CHMP1A: variants seen among roughly 807,000 people sequenced by gnomAD.
CHMP1A encodes charged multivesicular body protein 1A.
In CHMP1A, 17 loss-of-function variants were observed where a neutral mutation model predicts 27.0. The ratio of observed to expected loss-of-function variants is 0.63; its 90% CI spans 0.43 to 0.95. The LOEUF (loss-of-function observed/expected upper bound fraction) is 0.95, where lower values mean the gene tolerates loss of function less well. Ranked by LOEUF, CHMP1A falls within the 40% of genes least tolerant of loss-of-function variation. CHMP1A has a pLI of 0.00. For synonymous variants in CHMP1A, 131 were observed against 107.5 expected (o/e 1.22, Z -1.35); for missense variants, 275 against 264.0 (o/e 1.04, Z -0.29).
At position 89,648,471 on chromosome 16, in the gene CHMP1A, T is replaced by C. The variant is rs79714690; in HGVS notation, c.252+880A>G. On this transcript the variant is annotated intron_variant, in intron 4 of 6. Coordinates refer to ENST00000397901, the MANE Select transcript of CHMP1A (RefSeq NM_002768.5). ...GGTCTCCAGGACTGCTGTGCCCTCC[T>C]GGCCCACCTGCACTGTGTGAAGGAA... 4.2e-3 allele frequency among the ~76,000 whole-genome samples: 625 copies of C among 150,492 alleles called. 128 individuals carry two copies. Among genetic ancestry groups the C allele is most frequent in the African/African-American group, 0.015 (594 of 39,996 alleles).
intron 1 of CHMP1A, among the ~76,000 whole-genome samples, chr16:89,654,651 T>C (rs931594755): frequency 2.0e-5 from 3 of 151,448 alleles, no homozygotes; most frequent in African/African-American, 4.9e-5. Context: ...TAGAAAAATA[T>C]ATATTTTTTT....
Position 89,645,769 on chromosome 16 carries a change from C to T in CHMP1A, c.*297G>A, listed in dbSNP as rs2059768497. ...TCTGCTGCCCCAGAGTCTGAAGGCCCCCACAGTGCTGGGTGAAAGTCCACA... is the reference window on the plus strand; with the variant it reads ...TCTGCTGCCCCAGAGTCTGAAGGCCTCCACAGTGCTGGGTGAAAGTCCACA... On this transcript the variant is annotated 3_prime_UTR_variant, in exon 7 of 7. Coordinates refer to ENST00000397901, the MANE Select transcript of CHMP1A (RefSeq NM_002768.5). 2.8e-6 allele frequency: 2 copies of T among 709,110 alleles called. No homozygotes were observed. The highest frequency in any genetic ancestry group is 1.8e-5 in the African/African-American group (1 of 54,386). The allele number at this position is 709,110 out of a possible 1,614,324, so 43.9% of individuals were successfully genotyped here. A position where few individuals can be genotyped will look rare whatever the true frequency, so the allele number is the denominator to read the frequency against.
chr16:89,656,175 C>G (rs373046047), intron 1 of CHMP1A, among the ~76,000 whole-genome samples: 1 of 152,216 alleles, frequency 6.6e-6, no homozygotes, highest in Non-Finnish European at 1.5e-5. Context: ...CTCGCTCTGT[C>G]GCCCAGGCTG....
intron 5 of CHMP1A, 166 bp downstream of exon 5, chr16:89,647,037 G>C: frequency 6.6e-7 from 1 of 1,524,860 alleles, no homozygotes; most frequent in Non-Finnish European, 8.8e-7. Flanking sequence ...CACCCTACCT[G>C]TCAGGGTCCT....
In CHMP1A at chr16:89,657,488, CT is replaced by C; in HGVS notation, c.7+93del. 10 of 1,524,522 alleles carry C rather than the reference CT, an allele frequency of 6.6e-6. No individual in the cohort carries two copies. In the South Asian group the frequency reaches 1.2e-4, roughly 18 times the overall value. The allele number at this position is 1,524,522 out of a possible 1,614,324, so 94.4% of individuals were successfully genotyped here. On this transcript the variant is annotated intron_variant, in intron 1 of 6. Transcript: ENST00000397901. ...GTCGAGGCCCGAGCTCTCCTGAGTC[CT>C]GCCCGCGGCCCCAGGTGGGCGGAGC...
chr16:89,647,616 C>T (rs1409498991), intron 4 of CHMP1A, among the ~76,000 whole-genome samples: 7 of 115,312 alleles, frequency 6.1e-5, no homozygotes, highest in East Asian at 5.1e-4. Context: ...AGACCCAGTG[C>T]GGGGTCGGTG....
rs780005367 is a variant in CHMP1A at position 89,651,591 on chromosome 16, G to A, written c.83C>T (p.Ala28Val). Residue 28 changes from alanine (A) to valine (V), a missense_variant, in exon 3 of 7, where the codon GCG becomes GTG. Transcript: ENST00000397901. ...CACCTTCTTCACTTTGGCCTGCTCCGCCTTGGAGTCCTTCTCCGCCTTCTT... is the reference window on the plus strand; with the variant it reads ...CACCTTCTTCACTTTGGCCTGCTCCACCTTGGAGTCCTTCTCCGCCTTCTT... Reference protein sequence around the residue: ...LAKKAEKDSKAEQAKVKKALL... With the variant: ...LAKKAEKDSKVEQAKVKKALL... 13 of 1,613,590 alleles carry A rather than the reference G, an allele frequency of 8.1e-6. No homozygotes were observed. Among genetic ancestry groups the A allele is most frequent in the East Asian group, 2.2e-5 (1 of 44,886 alleles).
In CHMP1A at chr16:89,649,492, A is replaced by G. The variant is rs372448516; in HGVS notation, c.111T>C (p.Leu37=). 40 of 1,613,588 alleles carry G rather than the reference A, an allele frequency of 2.5e-5. No homozygotes were observed. Among genetic ancestry groups the G allele is most frequent in the Non-Finnish European group, 3.4e-5 (40 of 1,179,864 alleles). ...KAEQAKVKKA[L]LQKNVECARV... ...GGGCACACTCTACATTTTTCTGCAG[A>G]AGGGCCTGAAACCCGCGGGGGAAAG... Residue 37 remains leucine (L), a synonymous_variant, in exon 4 of 7, where the codon CTT becomes CTC. Transcript: ENST00000397901.
rs1389951293 is a variant in CHMP1A, at chr16:89,646,425, C to T, written c.569+102G>A. 5 of 1,293,772 alleles carry T rather than the reference C, an allele frequency of 3.9e-6. No individual in the cohort carries two copies. The Admixed American group carries it at 9.7e-5, about 25-fold the overall frequency. 80.1% of individuals were successfully genotyped at this position (1,293,772 alleles called of 1,614,324 possible). ...GATCAGGGCTCCCTGGTCGGAGCCT[C>T]AGCCCAAGCTCTCCTCCAGCCTCTA... is the stretch of plus-strand genomic sequence containing the variant. On this transcript the variant is annotated intron_variant, in intron 6 of 6. Transcript: ENST00000397901.
rs901646049 is a variant in CHMP1A at position 89,645,176 on chromosome 16, G to C, written c.*890C>G. 1 of 152,422 alleles carries C rather than the reference G, an allele frequency of 6.6e-6. No homozygotes were observed. Among genetic ancestry groups the C allele is most frequent in the Middle Eastern group, 3.2e-3 (1 of 316 alleles). The allele number at this position is 152,422 out of a possible 1,614,324, so 9.4% of individuals were successfully genotyped here. ...GGCACCCAGTTGTTTACAGATGGTA[G>C]AGGGTGACACAGGCAGCATCGTCAT... On this transcript the variant is annotated 3_prime_UTR_variant, in exon 7 of 7. Coordinates refer to ENST00000397901, the MANE Select transcript of CHMP1A (RefSeq NM_002768.5).
chr16:89,651,762 C>T, intron 2 of CHMP1A, 116 bp from the exon 3 acceptor site: 1 of 991,932 alleles, frequency 1.0e-6, no homozygotes, highest in Non-Finnish European at 1.5e-6. Context: ...CCTAAGCCCC[C>T]ATCAGCCAGC....
intron 4 of CHMP1A, among the ~76,000 whole-genome samples, chr16:89,647,650 A>T (rs2059787758): frequency 5.7e-5 from 3 of 52,370 alleles, no homozygotes; most frequent in African/African-American, 1.6e-4. Context: ...CGACGTGGGG[A>T]CCCAGCGCGG....
Position 89,651,750 on chromosome 16 carries a change from T to C in CHMP1A, c.28-104A>G, listed in dbSNP as rs1301226229. The stretch of plus-strand genomic sequence containing the variant: ...GTGCCCACACCTGTGCCCACACAGG[T>C]TCCTAAGCCCCCATCAGCCAGCCTG... On this transcript the variant is annotated intron_variant, in intron 2 of 6. Transcript: ENST00000397901. The C allele has an allele frequency of 2.6e-6, 3 of 1,144,396 alleles. No individual in the cohort carries two copies. In the Admixed American group the frequency reaches 7.0e-5, roughly 27 times the overall value. The allele number at this position is 1,144,396 out of a possible 1,614,324, so 70.9% of individuals were successfully genotyped here.
chr16:89,646,056 C>T lies in CHMP1A; in HGVS notation c.*10G>A, dbSNP rs368448623. On this transcript the variant is annotated 3_prime_UTR_variant, in exon 7 of 7. Transcript: ENST00000397901. ...ACGGGGCAGAGGCGGTGCACACCGGCGGGGCACGGCTAGTTCCTCAAGGCG... is the reference window on the plus strand; with the variant it reads ...ACGGGGCAGAGGCGGTGCACACCGGTGGGGCACGGCTAGTTCCTCAAGGCG... The T allele has an allele frequency of 1.8e-5, 28 of 1,570,330 alleles. No homozygotes were observed. The highest frequency in any genetic ancestry group is 1.4e-4 in the African/African-American group (10 of 73,490).
Position 89,646,209 on chromosome 16 carries a change from T to C in CHMP1A, c.570-122A>G, listed in dbSNP as rs768142537. ...CCTGAGATAACATGAGTGACAGGCCTTGGAAACAGACATGCCCTGTCCCAC... is the reference window on the plus strand; with the variant it reads ...CCTGAGATAACATGAGTGACAGGCCCTGGAAACAGACATGCCCTGTCCCAC... On this transcript the variant is annotated intron_variant, in intron 6 of 6. Transcript: ENST00000397901. 27 of 918,336 alleles carry C rather than the reference T, an allele frequency of 2.9e-5. 1 individual carries two copies. The highest frequency in any genetic ancestry group is 4.2e-5 in the Non-Finnish European group (26 of 615,488). 56.9% of individuals were successfully genotyped at this position (918,336 alleles called of 1,614,324 possible). A position where few individuals can be genotyped will look rare whatever the true frequency, so the allele number is the denominator to read the frequency against.
intron 5 of CHMP1A, 90 bp from the exon 6 acceptor site, chr16:89,646,804 T>C: frequency 7.3e-7 from 1 of 1,365,626 alleles, no homozygotes; most frequent in Non-Finnish European, 1.0e-6. Context: ...CACTTTTCGT[T>C]CCCTCACACA....
At chr16:89,656,608 C>T (rs533156308) in intron 1 of CHMP1A, among the ~76,000 whole-genome samples, 1 of 152,334 alleles carries the variant, frequency 6.6e-6, no homozygotes, top group South Asian at 2.1e-4. Context: ...AGCACAGAAA[C>T]GCTTGTGCTG....
At chr16:89,646,891 C>CCCCCA in intron 5 of CHMP1A, 177 bp from the exon 6 acceptor site, 1 of 669,414 alleles carries the variant, frequency 1.5e-6, no homozygotes, top group Non-Finnish European at 2.6e-6. Context: ...CCTGCCCCCC[C>CCCCCA]ACCCAGCCCC....
In CHMP1A at chr16:89,657,585, C is replaced by G. The variant is rs1019220226; in HGVS notation, c.4G>C (p.Asp2His). 5 of 1,611,200 alleles carry G rather than the reference C, an allele frequency of 3.1e-6. No individual in the cohort carries two copies. Among genetic ancestry groups the G allele is most frequent in the Non-Finnish European group, 3.4e-6 (4 of 1,179,312 alleles). The change falls in exon 1 of 7, where the codon GAC becomes CAC. Residue 2 changes from aspartate to histidine, a missense_variant. Physicochemically the swap from Asp to His is moderately conservative, Grantham distance 81. Coordinates refer to ENST00000397901, the MANE Select transcript of CHMP1A (RefSeq NM_002768.5). M[D>H]DTLFQLKFTA... ...GAGGACGGCCGCGACCTCTTACCGT[C>G]CATGGCCACAATGACAGGAGCAGCA...
Sources: allele counts gnomAD v4.1 joint callset (sites outside exome capture counted in the v4.1 genomes callset), GRCh38; gene constraint gnomAD v4.1.1; transcripts MANE v1.5; gene names NCBI Gene and HGNC (gene_info 2026-07-23, HGNC 2026-07-21).